The following PRDM5 variants were observed in gnomAD, a reference collection of about 807,000 sequenced individuals.
PRDM5 encodes the protein PR domain zinc finger protein 5.
Under a neutral mutation model 81.2 loss-of-function variants are expected in PRDM5, and 56 were observed. The observed-to-expected ratio is 0.69, with a 90% CI of 0.56 to 0.86. The LOEUF (loss-of-function observed/expected upper bound fraction) is 0.86. PRDM5 is among the 40% of genes least tolerant of loss of function. The probability of loss-of-function intolerance (pLI) is 0.00; values close to 1 mark genes in which losing one functional copy is unlikely to be tolerated. For missense variants in PRDM5, 697 were observed against 770.1 expected (o/e 0.91, Z 1.12); for synonymous variants, 267 against 256.4 (o/e 1.04, Z -0.39).
At chr4:120,878,054 A>G (rs1360211987) in intron 2 of PRDM5, among the ~76,000 whole-genome samples, 4 of 152,242 alleles carry the variant, frequency 2.6e-5, no homozygotes, top group Non-Finnish European at 5.9e-5. Flanking sequence ...TTATACGTCC[A>G]TATGGTAACT....
chr4:120,787,463 T>C (rs897659241), intron 10 of PRDM5, among the ~76,000 whole-genome samples: 43 of 152,200 alleles, frequency 2.8e-4, no homozygotes, highest in African/African-American at 9.7e-4. Context: ...TTTAACAGGA[T>C]GCCTTGATGG....
chr4:120,845,718 A>G (rs1758577238), intron 3 of PRDM5, among the ~76,000 whole-genome samples: 1 of 152,168 alleles, frequency 6.6e-6, no homozygotes, highest in South Asian at 2.1e-4. Context: ...CGACTTTCAA[A>G]TATTATTTCT....
intron 10 of PRDM5, among the ~76,000 whole-genome samples, chr4:120,793,516 T>C (rs75564991): frequency 0.2 from 30,317 of 152,260 alleles, 3,679 homozygotes; most frequent in Non-Finnish European, 0.28. Context: ...CTGTCTTCCA[T>C]GAAACTGGTC....
At chr4:120,754,690 G>A (rs1184415641) in intron 13 of PRDM5, 52 bp from the exon 14 acceptor site, 1 of 1,249,916 alleles carries the variant, frequency 8.0e-7, no homozygotes, top group East Asian at 2.3e-5. Context: ...AGCAGAACCA[G>A]TCCTGTGCTA....
rs760303865 is a variant in PRDM5 at position 120,821,223 on chromosome 4, G to C, written c.423C>G (p.Ile141Met). 3.1e-6 allele frequency: 5 copies of C among 1,613,960 alleles called. No individual in the cohort carries two copies. The highest frequency in any genetic ancestry group is 1.7e-5 in the Admixed American group (1 of 59,974). Residue 141 changes from isoleucine to methionine, a missense_variant, in exon 4 of 16, where the codon ATC becomes ATG. By Grantham distance (10) the Ile-to-Met change is conservative. Around this residue, in one of 3 missense-constraint regions of PRDM5, gnomAD observed 577 missense variants for 606.7 expected, o/e 0.95. Transcript: ENST00000264808. ...TAGAATTTTCAACTTCCCCTTCTTT[G>C]ATGACTGTCATAATTTGCTGTTCTT... ...EEEEQQIMTV[I>M]KEGEVENSRR...
chr4:120,903,814 T>A (rs184650645), intron 2 of PRDM5, among the ~76,000 whole-genome samples: 32 of 152,312 alleles, frequency 2.1e-4, no homozygotes, highest in African/African-American at 7.7e-4. Flanking sequence ...CCTGCCACCA[T>A]GTAAAACATG....
intron 13 of PRDM5, among the ~76,000 whole-genome samples, chr4:120,768,542 A>G (rs1454635694): frequency 2.6e-5 from 4 of 152,196 alleles, no homozygotes; most frequent in South Asian, 4.1e-4. Context: ...AATATAGCTG[A>G]AAATAGGTAT....
chr4:120,805,204 A>G (rs1335211207), intron 8 of PRDM5, among the ~76,000 whole-genome samples: 4 of 152,202 alleles, frequency 2.6e-5, no homozygotes, highest in African/African-American at 9.7e-5. Context: ...TTGAGGCAAT[A>G]ATTAATAGCC....
intron 2 of PRDM5, among the ~76,000 whole-genome samples, chr4:120,880,157 T>C (rs1762708561): frequency 6.6e-6 from 1 of 152,206 alleles, no homozygotes; most frequent in Non-Finnish European, 1.5e-5. Context: ...ACTTAATTTT[T>C]CTGTTAATAT....
At chr4:120,751,235 A>G (rs971933580) in intron 14 of PRDM5, among the ~76,000 whole-genome samples, 1 of 152,174 alleles carries the variant, frequency 6.6e-6, no homozygotes, top group Non-Finnish European at 1.5e-5. Context: ...TAAAAATCCA[A>G]GTGAAAATGC....
intron 3 of PRDM5, among the ~76,000 whole-genome samples, chr4:120,843,821 C>T (rs547121013): frequency 6.6e-6 from 1 of 152,126 alleles, no homozygotes; most frequent in Admixed American, 6.6e-5. Flanking sequence ...TCCCTAGGGT[C>T]ACCAAGCCAC....
At chr4:120,821,415 A>C in intron 3 of PRDM5, 70 bp from the exon 4 acceptor site, 1 of 1,406,420 alleles carries the variant, frequency 7.1e-7, no homozygotes, top group Non-Finnish European at 1.0e-6. Context: ...TAATTTTAAG[A>C]TACATTAATG....
chr4:120,777,148 C>G (rs1472385961), intron 13 of PRDM5, 40 bp downstream of exon 13: 2 of 1,612,790 alleles, frequency 1.2e-6, no homozygotes, highest in Non-Finnish European at 1.7e-6. Flanking sequence ...TGTGATTTCT[C>G]TAAGTGGTTT....
intron 11 of PRDM5, among the ~76,000 whole-genome samples, chr4:120,782,819 A>T (rs938863391): frequency 1.3e-5 from 2 of 152,098 alleles, no homozygotes; most frequent in Non-Finnish European, 2.9e-5. Flanking sequence ...AGATCTTTTT[A>T]AAAAAACCTC....
chr4:120,763,572 C>G (rs923551708), intron 13 of PRDM5, among the ~76,000 whole-genome samples: 56 of 152,150 alleles, frequency 3.7e-4, no homozygotes, highest in Admixed American at 2.5e-3. Context: ...AAAAACTCTT[C>G]CATGAGTGTT....
At chr4:120,738,741 T>A (rs1253681707) in intron 14 of PRDM5, among the ~76,000 whole-genome samples, 3 of 152,230 alleles carry the variant, frequency 2.0e-5, no homozygotes, top group Admixed American at 1.3e-4. Context: ...TCCATAAATG[T>A]TTATCATTTA....
chr4:120,760,781 T>C (rs1181040649), intron 13 of PRDM5, among the ~76,000 whole-genome samples: 2 of 152,168 alleles, frequency 1.3e-5, no homozygotes, highest in Non-Finnish European at 1.5e-5. Context: ...ATCTTCTAGT[T>C]ACTGTCCTGG....
intron 14 of PRDM5, among the ~76,000 whole-genome samples, chr4:120,752,547 C>T (rs2149146328): frequency 6.6e-6 from 1 of 152,190 alleles, no homozygotes; most frequent in African/African-American, 2.4e-5. Flanking sequence ...ACTTTGGAGA[C>T]AGTGTTGGGA....
chr4:120,870,353 A>G (rs1185643979), intron 2 of PRDM5, among the ~76,000 whole-genome samples: 3 of 152,222 alleles, frequency 2.0e-5, no homozygotes, highest in East Asian at 3.9e-4. Context: ...TAGGACACAC[A>G]AACAAAAGAC....
Sources: allele counts gnomAD v4.1 joint callset (sites outside exome capture counted in the v4.1 genomes callset), GRCh38; gene constraint gnomAD v4.1.1; regional missense constraint gnomAD v4.1.1; transcripts MANE v1.5; gene names NCBI Gene and HGNC (gene_info 2026-07-23, HGNC 2026-07-21).